Variants in CACNA2D4 observed in about 807,000 individuals in gnomAD.
The protein encoded by CACNA2D4 is voltage-dependent calcium channel subunit alpha-2/delta-4.
Under a neutral mutation model 163.8 loss-of-function variants are expected in CACNA2D4, and 157 were observed. The observed-to-expected ratio is 0.96, with a 90% confidence interval of 0.84 to 1.09. The LOEUF is 1.09. CACNA2D4 is among the 50% of genes least tolerant of loss of function. The pLI is 0.00. For synonymous variants in CACNA2D4, 598 were observed against 586.9 expected, an observed-to-expected ratio of 1.02 and a Z score of -0.27; for missense variants, 1,410 against 1,479.9, an observed-to-expected ratio of 0.95 and a Z score of 0.78.
chr12:1,879,423 C>T (rs1201189603), intron 14 of CACNA2D4, among the ~76,000 whole-genome samples: 1 of 152,122 alleles, frequency 6.6e-6, no homozygotes, highest in Non-Finnish European at 1.5e-5. Flanking sequence ...ATGGAAGGCT[C>T]AAGAAATCCC....
At chr12:1,816,763 C>T (rs992633169) in intron 26 of CACNA2D4, among the ~76,000 whole-genome samples, 5 of 152,166 alleles carry the variant, frequency 3.3e-5, no homozygotes, top group Non-Finnish European at 7.4e-5. Flanking sequence ...CATACATGCA[C>T]ACACATGGAC....
intron 34 of CACNA2D4, 41 bp from the exon 35 acceptor site, chr12:1,797,576 C>T (rs1194592925): frequency 4.7e-6 from 7 of 1,476,492 alleles, no homozygotes; most frequent in African/African-American, 1.4e-5. Context: ...GAAGGGGCCT[C>T]TGGCCTGCGG....
At chr12:1,884,472 A>T (rs1384223226) in intron 11 of CACNA2D4, among the ~76,000 whole-genome samples, 151 bp from the exon 12 acceptor site, 2 of 152,088 alleles carry the variant, frequency 1.3e-5, no homozygotes, top group Non-Finnish European at 2.9e-5. Context: ...CAGCAACACA[A>T]TTCGCCCAGG....
chr12:1,898,820 A>T (rs1399520027), intron 6 of CACNA2D4, among the ~76,000 whole-genome samples: 3 of 152,186 alleles, frequency 2.0e-5, no homozygotes, highest in African/African-American at 7.2e-5. Context: ...AAGTGAAGGA[A>T]GCCCATCACA....
Position 1,793,777 on chromosome 12 carries a change from A to G in CACNA2D4, c.3310-18T>C. Reference sequence around the variant, plus strand: ...GCATTCTCCTGCGAACGCAGAGCAGAGGTGACAGCGCGGCGCTCAGAGGAG... The same window carrying G: ...GCATTCTCCTGCGAACGCAGAGCAGGGGTGACAGCGCGGCGCTCAGAGGAG... On this transcript the variant is annotated intron_variant, in intron 37 of 37. Coordinates refer to ENST00000382722, the MANE Select transcript of CACNA2D4 (RefSeq NM_172364.5). The G allele has an allele frequency of 1.2e-6, 2 of 1,606,980 alleles. No homozygotes were observed. Among genetic ancestry groups the G allele is most frequent in the Non-Finnish European group, 8.5e-7 (1 of 1,175,112 alleles).
At chr12:1,858,489 G>T in intron 20 of CACNA2D4, 88 bp downstream of exon 20, 1 of 1,159,334 alleles carries the variant, frequency 8.6e-7, no homozygotes, top group Non-Finnish European at 1.3e-6. Flanking sequence ...TGTCACACTG[G>T]CTCTGGTTGG....
chr12:1,861,101 G>A (rs1407504834), intron 18 of CACNA2D4, among the ~76,000 whole-genome samples: 3 of 152,216 alleles, frequency 2.0e-5, no homozygotes, highest in African/African-American at 7.2e-5. Flanking sequence ...GTTGGCCCAG[G>A]ACTTGTTCTT....
chr12:1,858,456 C>G, intron 20 of CACNA2D4, 121 bp downstream of exon 20: 1 of 833,280 alleles, frequency 1.2e-6, no homozygotes, highest in East Asian at 2.7e-5. Flanking sequence ...AGAGGCTGCT[C>G]TGGAGCCTGG....
At chr12:1,835,706 C>A (rs1016241919) in intron 26 of CACNA2D4, 1 of 152,748 alleles carries the variant, frequency 6.5e-6, no homozygotes, top group African/African-American at 2.4e-5. Context: ...CGGGATACCA[C>A]CCAGGGGCCT....
At position 1,813,445 on chromosome 12, in the gene CACNA2D4, G is replaced by C. The variant is rs534058536; in HGVS notation, c.2552-1722C>G. Reference sequence around the variant, plus strand: ...GGCCTACATCTGTGCTGTCCTAAACGGTAGCCAACAGCCACACGTGGCTAC... The same window carrying C: ...GGCCTACATCTGTGCTGTCCTAAACCGTAGCCAACAGCCACACGTGGCTAC... On this transcript the variant is annotated intron_variant, in intron 26 of 37. Coordinates refer to ENST00000382722, the MANE Select transcript of CACNA2D4 (RefSeq NM_172364.5). 4.3e-4 allele frequency among the ~76,000 whole-genome samples: 66 copies of C among 152,294 alleles called. No individual in the cohort carries two copies. The South Asian group carries it at 0.013, about 31-fold the overall frequency.
chr12:1,798,647 G>A lies in CACNA2D4; in HGVS notation c.2995+1028C>T, dbSNP rs910052067. Among the ~76,000 whole-genome samples, 3 of 152,206 alleles carry A rather than the reference G, an allele frequency of 2.0e-5. No homozygotes were observed. The highest frequency in any genetic ancestry group is 2.0e-4 in the Admixed American group (3 of 15,288). On this transcript the variant is annotated intron_variant, in intron 34 of 37. Coordinates refer to ENST00000382722, the MANE Select transcript of CACNA2D4 (RefSeq NM_172364.5). This position sits in a 1 kb window ranked among gnomAD's most constrained non-coding sequence, Gnocchi z 4.3. Reference sequence around the variant, plus strand: ...GCCCCGGCCTGGGACTCCAAGTCCAGTGCGCCTTCACTGGGGACACTGACA... The same window carrying A: ...GCCCCGGCCTGGGACTCCAAGTCCAATGCGCCTTCACTGGGGACACTGACA...
Position 1,884,617 on chromosome 12 carries a change from A to G in CACNA2D4, c.1272+151T>C, listed in dbSNP as rs1866088845. 6.2e-6 allele frequency: 4 copies of G among 643,400 alleles called. No homozygotes were observed. The Admixed American group carries it at 1.1e-4, about 18-fold the overall frequency. The allele number at this position is 643,400 out of a possible 1,614,324, so 39.9% of individuals were successfully genotyped here. ...GTGTCTCGGGTAGCCATAATTTTGG[A>G]ACACTCAATTAAAATGCATCTGAAA... On this transcript the variant is annotated intron_variant, in intron 11 of 37. Transcript: ENST00000382722.
chr12:1,884,114 G>A (rs565895950), intron 12 of CACNA2D4, 129 bp downstream of exon 12: 7 of 705,890 alleles, frequency 9.9e-6, no homozygotes, highest in African/African-American at 3.5e-5. Context: ...TGAGGCTGCT[G>A]TTCTTGACAT....
intron 26 of CACNA2D4, among the ~76,000 whole-genome samples, chr12:1,814,539 C>T (rs1863816099): frequency 6.6e-6 from 1 of 152,230 alleles, no homozygotes; most frequent in Admixed American, 6.5e-5. Context: ...CTTCAGCTCT[C>T]ACTTTGAACT....
Position 1,800,453 on chromosome 12 carries a change from G to A in CACNA2D4, c.2869-15C>T. 3 of 1,613,606 alleles carry A rather than the reference G, an allele frequency of 1.9e-6. No individual in the cohort carries two copies. The highest frequency in any genetic ancestry group is 4.5e-5 in the East Asian group (2 of 44,858). ...GCAGAAATTGGCTGGGAAGGAGAGA[G>A]TGCACACCGCTCGCACCTAGGTCCA... On this transcript the variant is annotated splice_polypyrimidine_tract_variant and intron_variant, in intron 31 of 37. Transcript: ENST00000382722.
Position 1,799,682 on chromosome 12 carries a change from G to A in CACNA2D4, c.2988C>T (p.Phe996=), listed in dbSNP as rs1474065788. 6 of 1,572,300 alleles carry A rather than the reference G, an allele frequency of 3.8e-6. No individual in the cohort carries two copies. The highest frequency in any genetic ancestry group is 1.2e-5 in the South Asian group (1 of 85,218). ...CTCAGCTGGGCTACTTACAGTGATG[G>A]AAGACACTTTTGGCTGGCCGGAACA... ...YDRGAEAKSV[F]HHSHKHKKQD... Residue 996 remains phenylalanine (F), a synonymous_variant, in exon 34 of 38, where the codon TTC becomes TTT. Transcript: ENST00000382722. This position sits in a 1 kb window ranked among gnomAD's most constrained non-coding sequence, Gnocchi z 4.7.
intron 4 of CACNA2D4, 56 bp downstream of exon 4, chr12:1,909,850 A>G: frequency 6.6e-7 from 1 of 1,512,314 alleles, no homozygotes; most frequent in Non-Finnish European, 9.2e-7. Context: ...CCACCCCCAT[A>G]TCTGGTACTC....
At chr12:1,803,221 G>A (rs1863398158) in intron 29 of CACNA2D4, among the ~76,000 whole-genome samples, 1 of 152,388 alleles carries the variant, frequency 6.6e-6, no homozygotes, top group East Asian at 1.9e-4. Flanking sequence ...ACTCCAGCAA[G>A]CCTTCTGAAG....
intron 6 of CACNA2D4, among the ~76,000 whole-genome samples, chr12:1,889,369 G>A (rs1031396376): frequency 6.6e-6 from 1 of 152,198 alleles, no homozygotes; most frequent in Admixed American, 6.5e-5. Flanking sequence ...TTGTGTGTCT[G>A]ATTTGTGGGG....
Sources: allele counts gnomAD v4.1 joint callset (sites outside exome capture counted in the v4.1 genomes callset), GRCh38; gene constraint gnomAD v4.1.1; non-coding constraint Gnocchi (gnomAD v3.1); transcripts MANE v1.5; gene names NCBI Gene and HGNC (gene_info 2026-07-23, HGNC 2026-07-21).